RIMS2: variants seen among roughly 807,000 people sequenced by gnomAD.
The protein encoded by RIMS2 is regulating synaptic membrane exocytosis protein 2.
A neutral mutation model predicts 174.4 loss-of-function variants in RIMS2; 59 were observed. The observed-to-expected ratio is 0.34, with a 90% CI of 0.27 to 0.42. RIMS2 has a LOEUF of 0.42. Among genes scored for constraint, RIMS2 ranks in the 10% least tolerant of loss-of-function variants. The pLI, the probability that RIMS2 is intolerant of heterozygous loss-of-function variation, is 1.00. For missense variants in RIMS2, 1,620 were observed against 1,666.3 expected, an observed-to-expected ratio of 0.97 and a Z score of 0.48; for synonymous variants, 606 against 572.5, an observed-to-expected ratio of 1.06 and a Z score of -0.84.
chr8:103,877,739 C>T (rs1212931907), intron 3 of RIMS2, among the ~76,000 whole-genome samples: 3 of 150,076 alleles, frequency 2.0e-5, no homozygotes, highest in African/African-American at 4.9e-5. Context: ...TCTATGTGAA[C>T]GTTAGGATTT....
intron 19 of RIMS2, among the ~76,000 whole-genome samples, chr8:104,229,379 AT>A (rs2099210597): frequency 6.9e-6 from 1 of 144,446 alleles, no homozygotes. Flanking sequence ...ATATAATATT[AT>A]TTGAACAAGA....
At chr8:103,997,144 A>G (rs1421683088) in intron 17 of RIMS2, among the ~76,000 whole-genome samples, 1 of 151,862 alleles carries the variant, frequency 6.6e-6, no homozygotes, top group Non-Finnish European at 1.5e-5. Flanking sequence ...AGGTGGCAAG[A>G]ATTGTAGATA....
intron 1 of RIMS2, among the ~76,000 whole-genome samples, chr8:103,626,391 G>A (rs2095787034): frequency 6.6e-6 from 1 of 152,090 alleles, no homozygotes; most frequent in South Asian, 2.1e-4. Context: ...CAATATACTA[G>A]CAGCAGTCAA....
intron 19 of RIMS2, among the ~76,000 whole-genome samples, chr8:104,086,692 G>A (rs1295355121): frequency 6.6e-6 from 1 of 151,922 alleles, no homozygotes; most frequent in Admixed American, 6.6e-5. Flanking sequence ...TTCGACTACC[G>A]CTTTTTACTT....
chr8:103,637,506 T>A (rs1420736390), intron 1 of RIMS2, among the ~76,000 whole-genome samples: 1 of 152,234 alleles, frequency 6.6e-6, no homozygotes, highest in Non-Finnish European at 1.5e-5. Flanking sequence ...TACTTATTTT[T>A]AAAAATGTTT....
intron 19 of RIMS2, among the ~76,000 whole-genome samples, chr8:104,115,623 C>T (rs2098267126): frequency 6.6e-6 from 1 of 152,122 alleles, no homozygotes; most frequent in African/African-American, 2.4e-5. Flanking sequence ...GACCATATTA[C>T]ATTTAATTTC....
At chr8:103,761,685 G>A (rs2098114602) in intron 2 of RIMS2, among the ~76,000 whole-genome samples, 1 of 152,206 alleles carries the variant, frequency 6.6e-6, no homozygotes, top group Admixed American at 6.5e-5. Flanking sequence ...AAGGAAATAA[G>A]TTGTTGAATA....
chr8:104,034,462 CTTTTTTTT>C (rs200907072), intron 19 of RIMS2, among the ~76,000 whole-genome samples: 5 of 118,382 alleles, frequency 4.2e-5, no homozygotes, highest in East Asian at 2.7e-4. Flanking sequence ...CTTGCAGTAT[CTTTTTTTT>C]TTTTTTTTTT....
At chr8:103,647,637 C>G (rs2096366291) in intron 1 of RIMS2, among the ~76,000 whole-genome samples, 1 of 152,080 alleles carries the variant, frequency 6.6e-6, no homozygotes, top group South Asian at 2.1e-4. Flanking sequence ...CAGTTTCTTC[C>G]TGGTTCAGCC....
chr8:104,245,797 G>A (rs551482657), intron 20 of RIMS2, among the ~76,000 whole-genome samples: 12 of 152,200 alleles, frequency 7.9e-5, no homozygotes, highest in Non-Finnish European at 1.3e-4. Flanking sequence ...ATGTGAGGCC[G>A]TAGGAGCTGT....
intron 19 of RIMS2, among the ~76,000 whole-genome samples, chr8:104,185,380 T>C (rs2098962619): frequency 6.6e-6 from 1 of 151,562 alleles, no homozygotes; most frequent in African/African-American, 2.4e-5. Flanking sequence ...AAATAATATA[T>C]AGGTATTATT....
intron 3 of RIMS2, among the ~76,000 whole-genome samples, chr8:103,884,462 G>C (rs1351778894): frequency 2.0e-5 from 3 of 151,680 alleles, no homozygotes; most frequent in Non-Finnish European, 4.4e-5. Flanking sequence ...TTGTTAACAG[G>C]GTATCATGTC....
chr8:103,880,951 G>C (rs2099164368), intron 3 of RIMS2, among the ~76,000 whole-genome samples: 1 of 151,404 alleles, frequency 6.6e-6, no homozygotes, highest in Non-Finnish European at 1.5e-5. Flanking sequence ...TTGTATTCAT[G>C]AAGTATTACA....
intron 1 of RIMS2, among the ~76,000 whole-genome samples, chr8:103,607,503 A>T (rs1331930235): frequency 6.6e-6 from 1 of 151,026 alleles, no homozygotes; most frequent in Non-Finnish European, 1.5e-5. Flanking sequence ...CTTGAGGAGT[A>T]TCTTTGTGTC....
At chr8:103,503,308 G>C (rs1376195122) in intron 1 of RIMS2, among the ~76,000 whole-genome samples, 2 of 151,446 alleles carry the variant, frequency 1.3e-5, no homozygotes, top group Admixed American at 6.6e-5. Flanking sequence ...TTTTTTTAAC[G>C]AAAGAGTAGG....
At chr8:104,101,616 C>A (rs1299852298) in intron 19 of RIMS2, among the ~76,000 whole-genome samples, 2 of 152,094 alleles carry the variant, frequency 1.3e-5, no homozygotes, top group Non-Finnish European at 2.9e-5. Flanking sequence ...AGTCAAGCAA[C>A]TTAACATACC....
rs138252896 is a variant in RIMS2 at position 103,506,641 on chromosome 8, A to G, written c.176+5579A>G. 8.9e-3 allele frequency among the ~76,000 whole-genome samples: 1,362 copies of G among 152,308 alleles called. 12 individuals are homozygous for G. The highest frequency in any genetic ancestry group is 0.027 in the South Asian group (130 of 4,830). ...TAAATAATCATTATTGTTAACTGAC[A>G]TAGATAGCACTCTTTAAACCTTATC... is the stretch of plus-strand genomic sequence containing the variant. On this transcript the variant is annotated intron_variant, in intron 1 of 23. Coordinates refer to ENST00000504942, the Ensembl canonical transcript of RIMS2.
chr8:103,788,523 C>A (rs1358607964), intron 3 of RIMS2, among the ~76,000 whole-genome samples: 8 of 150,726 alleles, frequency 5.3e-5, no homozygotes, highest in Admixed American at 5.3e-4. Context: ...TGTTGGAATA[C>A]CCTGCTGTGT....
At chr8:103,670,644 C>G (rs556085290) in intron 1 of RIMS2, among the ~76,000 whole-genome samples, 3 of 152,146 alleles carry the variant, frequency 2.0e-5, no homozygotes, top group Non-Finnish European at 4.4e-5. Flanking sequence ...AGGGCAGGGA[C>G]AAAATGTTGC....
Sources: allele counts gnomAD v4.1 joint callset (sites outside exome capture counted in the v4.1 genomes callset), GRCh38; gene constraint gnomAD v4.1.1; transcripts MANE v1.5; gene names NCBI Gene and HGNC (gene_info 2026-07-23, HGNC 2026-07-21).